The following CSMD1 variants were observed in gnomAD, a reference collection of about 807,000 sequenced individuals.
CSMD1 encodes the protein CUB and Sushi multiple domains 1, also known as CUB and sushi domain-containing protein 1.
Under a neutral mutation model 417.5 loss-of-function variants are expected in CSMD1, and 213 were observed. The ratio of observed to expected loss-of-function variants is 0.51; its 90% CI spans 0.46 to 0.57. CSMD1 has a LOEUF of 0.57. CSMD1 is among the 20% of genes least tolerant of loss of function. CSMD1 has a pLI of 0.00. For missense variants in CSMD1, 6,923 were observed against 4,529.7 expected, an observed-to-expected ratio of 1.53 and a Z score of -15.17; for synonymous variants, 2,862 against 1,736.8, an observed-to-expected ratio of 1.65 and a Z score of -16.11.
intron 5 of CSMD1, among the ~76,000 whole-genome samples, chr8:3,854,484 A>G (rs1013466497): frequency 1.3e-5 from 2 of 152,166 alleles, no homozygotes; most frequent in African/African-American, 4.8e-5. Flanking sequence ...AGCTGTATTA[A>G]CTTTTGAGAT....
At chr8:3,376,810 G>A (rs1192297196) in intron 18 of CSMD1, among the ~76,000 whole-genome samples, 2 of 151,380 alleles carry the variant, frequency 1.3e-5, no homozygotes, top group Non-Finnish European at 2.9e-5. Flanking sequence ...TTTCTTTTCT[G>A]AAAGCTATGA....
intron 8 of CSMD1, among the ~76,000 whole-genome samples, chr8:3,605,043 G>A (rs1370611130): frequency 6.6e-6 from 1 of 152,154 alleles, no homozygotes; most frequent in African/African-American, 2.4e-5. Flanking sequence ...AGTCACTGCT[G>A]GAGTGCAGTG....
At chr8:3,785,739 G>T (rs1292087350) in intron 5 of CSMD1, among the ~76,000 whole-genome samples, 1 of 152,152 alleles carries the variant, frequency 6.6e-6, no homozygotes, top group African/African-American at 2.4e-5. Flanking sequence ...GGTGCGGGGA[G>T]CCAGGAGCTA....
At chr8:2,959,953 T>G in intron 62 of CSMD1, among the ~76,000 whole-genome samples, 1 of 152,146 alleles carries the variant, frequency 6.6e-6, no homozygotes, top group South Asian at 2.1e-4. Flanking sequence ...TGTAACTAAT[T>G]TGTTATAAGG....
Position 3,211,086 on chromosome 8 carries a change from C to A in CSMD1, c.4867+3411G>T, listed in dbSNP as rs1797578518. Among the ~76,000 whole-genome samples the A allele has an allele frequency of 5.3e-5, 8 of 152,190 alleles. No individual in the cohort carries two copies. In the South Asian group the frequency reaches 1.7e-3, roughly 32 times the overall value. On this transcript the variant is annotated intron_variant, in intron 30 of 69. Transcript: ENST00000635120. ...TTGAGATAAGGTATTGCCCTGTTGC[C>A]CAGGCTGGAGTGCAGTGATCCAGTC...
chr8:3,311,327 G>A (rs937664764), intron 23 of CSMD1, among the ~76,000 whole-genome samples: 2 of 151,996 alleles, frequency 1.3e-5, no homozygotes, highest in African/African-American at 4.8e-5. Context: ...TCGGCTCACT[G>A]CAACCTCCAT....
At chr8:4,351,909 G>A (rs1254268478) in intron 3 of CSMD1, among the ~76,000 whole-genome samples, 3 of 150,102 alleles carry the variant, frequency 2.0e-5, no homozygotes, top group African/African-American at 4.9e-5. Context: ...AAACCAAACT[G>A]TAGAAACACT....
chr8:4,175,301 T>C (rs1797981446), intron 3 of CSMD1, among the ~76,000 whole-genome samples: 1 of 152,170 alleles, frequency 6.6e-6, no homozygotes, highest in Non-Finnish European at 1.5e-5. Flanking sequence ...CTTAGGACAG[T>C]GAATCTTCCA....
intron 12 of CSMD1, among the ~76,000 whole-genome samples, chr8:3,425,578 A>T (rs1216359472): frequency 8.4e-6 from 1 of 119,290 alleles, no homozygotes; most frequent in East Asian, 2.4e-4. Context: ...AGAGAGCAAG[A>T]TTCGGTCTCA....
intron 3 of CSMD1, among the ~76,000 whole-genome samples, chr8:4,105,416 A>G (rs1801518148): frequency 6.6e-6 from 1 of 152,214 alleles, no homozygotes; most frequent in Admixed American, 6.5e-5. Context: ...TTTTTAGGAA[A>G]GAGCATGGAC....
chr8:4,862,882 G>C (rs1038625728), intron 1 of CSMD1, among the ~76,000 whole-genome samples: 1 of 152,026 alleles, frequency 6.6e-6, no homozygotes, highest in Non-Finnish European at 1.5e-5. Flanking sequence ...AGGAACATGA[G>C]GAAGGACTGG....
intron 7 of CSMD1, among the ~76,000 whole-genome samples, chr8:3,695,885 T>A (rs910298984): frequency 2.0e-5 from 3 of 152,244 alleles, no homozygotes; most frequent in African/African-American, 7.2e-5. Flanking sequence ...GGTATATTCA[T>A]TGTACTCATT....
At chr8:4,542,241 G>A (rs887445841) in intron 2 of CSMD1, among the ~76,000 whole-genome samples, 1 of 151,866 alleles carries the variant, frequency 6.6e-6, no homozygotes, top group Non-Finnish European at 1.5e-5. Context: ...AAAGAATCAA[G>A]TTAAAATACC....
intron 2 of CSMD1, among the ~76,000 whole-genome samples, chr8:4,467,890 G>A (rs1173221176): frequency 6.6e-6 from 1 of 152,134 alleles, no homozygotes; most frequent in Non-Finnish European, 1.5e-5. Flanking sequence ...TCATCTAGTG[G>A]GTTGAACACT....
rs573088279 is a variant in CSMD1, at chr8:4,620,884, G to C, written c.302+16458C>G. On this transcript the variant is annotated intron_variant, in intron 2 of 69. Transcript: ENST00000635120. ...AATAAATAGAAGAGTGAAAATAAGAGAAAAATTGAGTAAAGTAAAAAAAAA... is the reference window on the plus strand; with the variant it reads ...AATAAATAGAAGAGTGAAAATAAGACAAAAATTGAGTAAAGTAAAAAAAAA... Among the ~76,000 whole-genome samples the C allele has an allele frequency of 5.4e-4, 82 of 151,360 alleles. 1 individual carries two copies. The highest frequency in any genetic ancestry group is 2.0e-3 in the African/African-American group (81 of 41,326).
chr8:4,517,096 A>T (rs1803166976), intron 2 of CSMD1, among the ~76,000 whole-genome samples: 1 of 152,196 alleles, frequency 6.6e-6, no homozygotes, highest in African/African-American at 2.4e-5. Flanking sequence ...TTATGTTTTC[A>T]GCTTTTCCTG....
intron 1 of CSMD1, among the ~76,000 whole-genome samples, chr8:4,805,919 G>T (rs979648106): frequency 2.0e-5 from 3 of 152,088 alleles, no homozygotes; most frequent in African/African-American, 7.2e-5. Context: ...ATGGCTTGTG[G>T]ACCTCAGAGC....
At chr8:3,723,028 G>C (rs547332765) in intron 6 of CSMD1, among the ~76,000 whole-genome samples, 3 of 152,246 alleles carry the variant, frequency 2.0e-5, no homozygotes, top group African/African-American at 4.8e-5. Context: ...CTCTGAGCTG[G>C]GTCTAACACT....
At chr8:4,985,524 A>G (rs1440182465) in intron 1 of CSMD1, among the ~76,000 whole-genome samples, 2 of 152,156 alleles carry the variant, frequency 1.3e-5, no homozygotes, top group African/African-American at 4.8e-5. Flanking sequence ...AGTCTTCCCA[A>G]TTCTCTTCCT....
Sources: gnomAD v4.1 joint callset for allele counts (sites outside exome capture counted in the v4.1 genomes callset) on GRCh38, gnomAD v4.1.1 for gene constraint, MANE v1.5 for transcripts, NCBI Gene and HGNC (gene_info 2026-07-23, HGNC 2026-07-21) for gene names.